TENM3: variants seen among roughly 807,000 people sequenced by gnomAD.
TENM3 encodes teneurin transmembrane protein 3.
TENM3 carries 63 observed loss-of-function variants against 255.1 expected under a neutral mutation model. That is an observed-to-expected ratio of 0.25 (90% CI 0.20 to 0.30). The LOEUF is 0.30. TENM3 is among the 10% of genes least tolerant of loss of function. TENM3 has a pLI of 1.00. For synonymous variants in TENM3, 1,306 were observed against 1,322.3 expected (o/e 0.99, Z 0.27); for missense variants, 2,929 against 3,461.1 (o/e 0.85, Z 3.86).
chr4:181,860,012 A>G, the TENM3 span, among the ~76,000 whole-genome samples: 132 of 152,306 alleles, frequency 8.7e-4, 1 homozygote, highest in Middle Eastern at 3.4e-3. Flanking sequence ...ATCCCTGGGA[A>G]CTCATAATCT....
chr4:182,682,149 A>G (rs1029547831), intron 11 of TENM3, 135 bp downstream of exon 11: 4 of 741,250 alleles, frequency 5.4e-6, no homozygotes, highest in South Asian at 1.9e-5. Flanking sequence ...ATAAATATTA[A>G]AAGTAATGAT....
At chr4:182,055,127 G>C in the TENM3 span, among the ~76,000 whole-genome samples, 3 of 152,086 alleles carry the variant, frequency 2.0e-5, no homozygotes, top group Admixed American at 6.5e-5. Flanking sequence ...CGGGCAGATC[G>C]CTTGAGCCCA....
At chr4:181,833,337 G>A in the TENM3 span, among the ~76,000 whole-genome samples, 9 of 152,188 alleles carry the variant, frequency 5.9e-5, no homozygotes, top group Admixed American at 5.9e-4. Context: ...TACAGTCACA[G>A]CTTTAACTCA....
chr4:182,653,981 G>T, intron 6 of TENM3, 88 bp downstream of exon 6: 1 of 1,314,474 alleles, frequency 7.6e-7, no homozygotes, highest in Non-Finnish European at 1.0e-6. Context: ...ATCTAGTTTA[G>T]ATGGAACAGG....
chr4:181,576,130 C>G, the TENM3 span, among the ~76,000 whole-genome samples: 1 of 152,190 alleles, frequency 6.6e-6, no homozygotes, highest in South Asian at 2.1e-4. Flanking sequence ...CTAGTCTCCA[C>G]TGTCCATCAT....
chr4:182,149,653 A>T (rs2149573616), intron 1 of TENM3, among the ~76,000 whole-genome samples: 1 of 152,134 alleles, frequency 6.6e-6, no homozygotes, highest in South Asian at 2.1e-4. Context: ...GACTTTTCAA[A>T]CAAGTTTGTG....
At position 182,789,483 on chromosome 4, in the gene TENM3, C is replaced by T; in HGVS notation, c.5601+94C>T. On this transcript the variant is annotated intron_variant, in intron 25 of 27. Coordinates refer to ENST00000511685, the MANE Select transcript of TENM3 (RefSeq NM_001080477.4). This position sits in a 1 kb window ranked among gnomAD's most constrained non-coding sequence, Gnocchi z 4.4. ...ACTAAGGGGAAAAAAAACAGTGGCA[C>T]ATGACTGAGTTCCATTTGTTATTCG... is the stretch of plus-strand genomic sequence containing the variant. The T allele has an allele frequency of 4.3e-6, 5 of 1,160,478 alleles. No individual in the cohort carries two copies. The South Asian group carries it at 7.9e-5, about 18-fold the overall frequency. The allele number at this position is 1,160,478 out of a possible 1,614,324, so 71.9% of individuals were successfully genotyped here. A position where few individuals can be genotyped will look rare whatever the true frequency, so the allele number is the denominator to read the frequency against.
chr4:181,969,221 T>C, the TENM3 span, among the ~76,000 whole-genome samples: 3 of 152,206 alleles, frequency 2.0e-5, no homozygotes, highest in African/African-American at 7.2e-5. Flanking sequence ...TGGTGTTCAT[T>C]GATAATCACT....
At chr4:181,872,776 G>C in the TENM3 span, among the ~76,000 whole-genome samples, 1 of 152,068 alleles carries the variant, frequency 6.6e-6, no homozygotes, top group East Asian at 1.9e-4. Flanking sequence ...AAGTCTTACT[G>C]GGAGGAGGAG....
intron 3 of TENM3, among the ~76,000 whole-genome samples, chr4:182,585,048 TC>T (rs1745881006): frequency 6.6e-6 from 1 of 152,226 alleles, no homozygotes; most frequent in South Asian, 2.1e-4. Flanking sequence ...CATCTTTTTT[TC>T]CTAAAAGAAA....
chr4:181,827,623 A>T, the TENM3 span, among the ~76,000 whole-genome samples: 2 of 152,316 alleles, frequency 1.3e-5, no homozygotes, highest in East Asian at 3.9e-4. Context: ...CACGATTTGC[A>T]AACAGACTAT....
chr4:181,942,770 G>GA, the TENM3 span, among the ~76,000 whole-genome samples: 6 of 152,016 alleles, frequency 3.9e-5, no homozygotes, highest in Non-Finnish European at 8.8e-5. Context: ...AGGGAGAATG[G>GA]AAAAAAATAT....
intron 3 of TENM3, among the ~76,000 whole-genome samples, chr4:182,569,662 C>G (rs1033292860): frequency 6.6e-6 from 1 of 151,994 alleles, no homozygotes; most frequent in African/African-American, 2.4e-5. Context: ...CTGAGACCAG[C>G]TACTTTACGA....
chr4:181,718,370 G>A, the TENM3 span, among the ~76,000 whole-genome samples: 1 of 152,142 alleles, frequency 6.6e-6, no homozygotes, highest in Admixed American at 6.5e-5. Context: ...AATGTCCTAT[G>A]AAAAATTCAG....
At chr4:182,087,826 G>A in the TENM3 span, among the ~76,000 whole-genome samples, 4 of 152,156 alleles carry the variant, frequency 2.6e-5, no homozygotes, top group Admixed American at 6.5e-5. Context: ...CCCTAGGTAC[G>A]TTACACTTCT....
the TENM3 span, among the ~76,000 whole-genome samples, chr4:181,596,694 A>G: frequency 1.3e-5 from 2 of 152,230 alleles, no homozygotes; most frequent in South Asian, 2.1e-4. Context: ...ATGCCCATCA[A>G]TGATAGACTG....
chr4:182,416,270 A>G (rs1441281929), intron 3 of TENM3, among the ~76,000 whole-genome samples: 1 of 152,226 alleles, frequency 6.6e-6, no homozygotes, highest in African/African-American at 2.4e-5. Flanking sequence ...GCTTAGTGAT[A>G]TAAAACCTTC....
the TENM3 span, among the ~76,000 whole-genome samples, chr4:181,736,844 T>C: frequency 5.3e-5 from 8 of 152,110 alleles, no homozygotes; most frequent in African/African-American, 1.9e-4. Flanking sequence ...GGAGGCCCAC[T>C]GAAATCTTAG....
At chr4:182,215,744 A>T (rs13124923) in intron 1 of TENM3, among the ~76,000 whole-genome samples, 26,699 of 152,152 alleles carry the variant, frequency 0.18, 2,563 homozygotes, top group Non-Finnish European at 0.2. Context: ...CACACCTGGC[A>T]CATGTCAACA....
Sources: allele counts gnomAD v4.1 joint callset (sites outside exome capture counted in the v4.1 genomes callset), GRCh38; gene constraint gnomAD v4.1.1; non-coding constraint Gnocchi (gnomAD v3.1); transcripts MANE v1.5; gene names NCBI Gene and HGNC (gene_info 2026-07-23, HGNC 2026-07-21).